Variants in OPA3 observed in about 807,000 individuals in gnomAD.
OPA3 encodes the protein optic atrophy 3 protein.
Under a neutral mutation model 4.0 loss-of-function variants are expected in OPA3, and 6 were observed. The ratio of observed to expected loss-of-function variants is 1.51; its 90% CI spans 0.83 to 2.99. The LOEUF (loss-of-function observed/expected upper bound fraction) is 2.99, where lower values mean the gene tolerates loss of function less well. Ranked by LOEUF, OPA3 falls within the 30% of genes most tolerant of loss-of-function variation. OPA3 has a pLI of 0.00. For synonymous variants in OPA3, 105 were observed against 117.1 expected (o/e 0.90, Z 0.67); for missense variants, 235 against 256.2 (o/e 0.92, Z 0.56).
In OPA3 at chr19:45,549,433, A is replaced by G. The variant is rs959439732; in HGVS notation, c.*4081T>C. 15 of 984,374 alleles carry G rather than the reference A, an allele frequency of 1.5e-5. No individual in the cohort carries two copies. Among genetic ancestry groups the G allele is most frequent in the Non-Finnish European group, 1.8e-5 (15 of 829,876 alleles). 61.0% of individuals were successfully genotyped at this position (984,374 alleles called of 1,614,324 possible). On this transcript the variant is annotated 3_prime_UTR_variant, in exon 2 of 2. Transcript: ENST00000263275. ...AGAGCAGCACTCCATCTGGGTCAGG[A>G]CAGCGCTGGGGTCAGGAATTGGAGC...
intron 1 of OPA3, among the ~76,000 whole-genome samples, chr19:45,554,436 T>A (rs1445582015): frequency 6.6e-6 from 1 of 152,148 alleles, no homozygotes; most frequent in African/African-American, 2.4e-5. Context: ...ATGGCTCCAA[T>A]CCTAGAATTT....
intron 1 of OPA3, among the ~76,000 whole-genome samples, chr19:45,571,221 G>A (rs1011921482): frequency 1.3e-5 from 2 of 151,960 alleles, no homozygotes; most frequent in Non-Finnish European, 2.9e-5. Context: ...TTGGCACACC[G>A]CAACCTCCAC....
At position 45,553,530 on chromosome 19, in the gene OPA3, G is replaced by A; in HGVS notation, c.524C>T (p.Pro175Leu). ...AGCAAGCTCCTATTTCTTGGACGCAGGCACTGCGTGGGAAGCGGACCGGCC... is the reference window on the plus strand; with the variant it reads ...AGCAAGCTCCTATTTCTTGGACGCAAGCACTGCGTGGGAAGCGGACCGGCC... ...NPGRSASHAV[P>L]ASKK The change falls in exon 2 of 2, where the codon CCT (proline) becomes CTT (leucine). Residue 175 changes from proline to leucine, a missense_variant. Coordinates refer to ENST00000263275, the MANE Select transcript of OPA3 (RefSeq NM_025136.4). 5 of 1,613,302 alleles carry A rather than the reference G, an allele frequency of 3.1e-6. No homozygotes were observed. The highest frequency in any genetic ancestry group is 4.2e-6 in the Non-Finnish European group (5 of 1,179,996).
At position 45,548,160 on chromosome 19, in the gene OPA3, C is replaced by T; in HGVS notation, c.*5354G>A. The T allele has an allele frequency of 1.0e-6, 1 of 985,978 alleles. No individual in the cohort carries two copies. The highest frequency in any genetic ancestry group is 1.2e-6 in the Non-Finnish European group (1 of 830,230). The allele number at this position is 985,978 out of a possible 1,614,324, so 61.1% of individuals were successfully genotyped here. On this transcript the variant is annotated 3_prime_UTR_variant, in exon 2 of 2. Transcript: ENST00000263275. ...CTTCTCCTCTCTCTGTCCACACCGA[C>T]TCCAGCTACAAGCCATTGCCACTGG...
Position 45,547,882 on chromosome 19 carries a change from A to C in OPA3, c.*5632T>G, listed in dbSNP as rs1424731948. The C allele has an allele frequency of 2.6e-5, 4 of 152,796 alleles. No homozygotes were observed. Among genetic ancestry groups the C allele is most frequent in the African/African-American group, 9.7e-5 (4 of 41,436 alleles). The allele number at this position is 152,796 out of a possible 1,614,324, so 9.5% of individuals were successfully genotyped here. On this transcript the variant is annotated 3_prime_UTR_variant, in exon 2 of 2. Transcript: ENST00000263275. ...CCTGCTAATTTTGTATTTTTAGTAG[A>C]GATGGGGTTTCTCCATGTCGGTCAG...
Position 45,552,065 on chromosome 19 carries a change from G to T in OPA3, c.*1449C>A. 2.0e-6 allele frequency: 2 copies of T among 985,506 alleles called. No homozygotes were observed. Among genetic ancestry groups the T allele is most frequent in the South Asian group, 9.4e-5 (2 of 21,290 alleles). 61.0% of individuals were successfully genotyped at this position (985,506 alleles called of 1,614,324 possible). A position where few individuals can be genotyped will look rare whatever the true frequency, so the allele number is the denominator to read the frequency against. ...ATTTCCCACCACGGAAAGGGGGGTT[G>T]GAGGACATTCACAGAAAAGATCCTG... On this transcript the variant is annotated 3_prime_UTR_variant, in exon 2 of 2. Coordinates refer to ENST00000263275, the MANE Select transcript of OPA3 (RefSeq NM_025136.4).
chr19:45,578,023 T>C (rs1969793879), intron 1 of OPA3, among the ~76,000 whole-genome samples: 1 of 152,056 alleles, frequency 6.6e-6, no homozygotes, highest in African/African-American at 2.4e-5. Context: ...TGCAAAATTA[T>C]GACTGACACA....
chr19:45,583,973 G>A (rs1022664272), intron 1 of OPA3, among the ~76,000 whole-genome samples: 7 of 152,184 alleles, frequency 4.6e-5, no homozygotes, highest in Non-Finnish European at 1.0e-4. Context: ...CAAAAAGGCC[G>A]CATAGTCTGT....
chr19:45,535,646 G>A (rs998464605), intron 1 of OPA3, among the ~76,000 whole-genome samples: 33 of 151,918 alleles, frequency 2.2e-4, no homozygotes, highest in African/African-American at 7.0e-4. Context: ...GGCATGAACC[G>A]CCATGCCCAG....
intron 1 of OPA3, among the ~76,000 whole-genome samples, chr19:45,571,013 A>T (rs1015818122): frequency 1.4e-5 from 2 of 142,938 alleles, no homozygotes; most frequent in Non-Finnish European, 3.0e-5. Context: ...AGTTTATTTT[A>T]AAAATTTTTA....
downstream of OPA3, among the ~76,000 whole-genome samples, chr19:45,544,938 G>A (rs1233594337): frequency 2.7e-5 from 4 of 149,528 alleles, no homozygotes; most frequent in African/African-American, 9.8e-5. Context: ...AGCCGAGATC[G>A]TGTCATTGCA....
intron 1 of OPA3, chr19:45,584,394 T>G: frequency 4.1e-6 from 4 of 985,412 alleles, no homozygotes; most frequent in Non-Finnish European, 4.8e-6. Flanking sequence ...CTTTATCGGC[T>G]GGCATTTCCT....
chr19:45,548,129 GC>G lies in OPA3; in HGVS notation c.*5384del, dbSNP rs1969278319. The G allele has an allele frequency of 1.7e-5, 17 of 985,518 alleles. No individual in the cohort carries two copies. The South Asian group carries it at 7.5e-4, about 44-fold the overall frequency. The allele number at this position is 985,518 out of a possible 1,614,324, so 61.0% of individuals were successfully genotyped here. Reference sequence around the variant, plus strand: ...GTTGATCCTCAGTACACTCAGAGTTGCCATGCTTCTCCTCTCTCTGTCCACA... The same window carrying G: ...GTTGATCCTCAGTACACTCAGAGTTGCATGCTTCTCCTCTCTCTGTCCACA... On this transcript the variant is annotated 3_prime_UTR_variant, in exon 2 of 2. Transcript: ENST00000263275.
intron 1 of OPA3, among the ~76,000 whole-genome samples, chr19:45,570,715 T>C (rs1024674614): frequency 1.3e-5 from 2 of 149,342 alleles, no homozygotes; most frequent in African/African-American, 5.0e-5. Context: ...AAAACAAAAT[T>C]AGCCGGGTGT....
intron 1 of OPA3, among the ~76,000 whole-genome samples, chr19:45,573,695 T>C (rs887449288): frequency 1.3e-5 from 2 of 152,138 alleles, no homozygotes; most frequent in African/African-American, 4.8e-5. Flanking sequence ...CAGTAAACAC[T>C]GTTTACTGAA....
chr19:45,540,216 C>T (rs1474805781), intron 1 of OPA3, among the ~76,000 whole-genome samples: 1 of 151,840 alleles, frequency 6.6e-6, no homozygotes, highest in Non-Finnish European at 1.5e-5. Context: ...ACTCGGGAGG[C>T]TGAGGCAGGA....
intron 1 of OPA3, among the ~76,000 whole-genome samples, chr19:45,571,632 G>A (rs1173199262): frequency 6.6e-6 from 1 of 152,136 alleles, no homozygotes; most frequent in African/African-American, 2.4e-5. Flanking sequence ...CTCCAGCAAA[G>A]TGATTTTCAA....
intron 1 of OPA3, among the ~76,000 whole-genome samples, chr19:45,572,870 T>G (rs905150586): frequency 2.0e-5 from 3 of 149,154 alleles, no homozygotes; most frequent in African/African-American, 7.4e-5. Context: ...ACTGTGAGCT[T>G]GTATGTGCTG....
In OPA3 at chr19:45,549,490, T is replaced by G; in HGVS notation, c.*4024A>C. ...CTGTGTTCACACTCCCACCTCTGTTTTTTTTTTTTGAGTTGAGTCTCACTC... is the reference window on the plus strand; with the variant it reads ...CTGTGTTCACACTCCCACCTCTGTTGTTTTTTTTTGAGTTGAGTCTCACTC... On this transcript the variant is annotated 3_prime_UTR_variant, in exon 2 of 2. Transcript: ENST00000263275. The G allele has an allele frequency of 1.0e-6, 1 of 982,790 alleles. No homozygotes were observed. The allele number at this position is 982,790 out of a possible 1,614,324, so 60.9% of individuals were successfully genotyped here. A position where few individuals can be genotyped will look rare whatever the true frequency, so the allele number is the denominator to read the frequency against.
Sources: gnomAD v4.1 joint callset for allele counts (sites outside exome capture counted in the v4.1 genomes callset) on GRCh38, gnomAD v4.1.1 for gene constraint, MANE v1.5 for transcripts, NCBI Gene and HGNC (gene_info 2026-07-23, HGNC 2026-07-21) for gene names.